PTPRT: variants seen among roughly 807,000 people sequenced by gnomAD.
PTPRT encodes the protein protein tyrosine phosphatase receptor type T.
Under a neutral mutation model 176.8 loss-of-function variants are expected in PTPRT, and 56 were observed. The ratio of observed to expected loss-of-function variants is 0.32; its 90% CI spans 0.26 to 0.40. The LOEUF is 0.40. Ranked by LOEUF, PTPRT falls within the 10% of genes least tolerant of loss-of-function variation. The pLI, the probability that PTPRT is intolerant of heterozygous loss-of-function variation, is 1.00. For synonymous variants in PTPRT, 783 were observed against 739.0 expected (o/e 1.06, Z -0.96); for missense variants, 1,540 against 1,908.2 (o/e 0.81, Z 3.60).
Position 42,106,934 on chromosome 20 carries a change from T to A in PTPRT, c.3255-13A>T. The A allele has an allele frequency of 1.2e-6, 2 of 1,613,394 alleles. No homozygotes were observed. Among genetic ancestry groups the A allele is most frequent in the Non-Finnish European group, 1.7e-6 (2 of 1,179,692 alleles). On this transcript the variant is annotated splice_polypyrimidine_tract_variant and intron_variant, in intron 23 of 30. Coordinates refer to ENST00000373187, the MANE Select transcript of PTPRT (RefSeq NM_007050.6). ...CCCAGCCCCAGCACTGGAAGAGAGG[T>A]ATGGTCTGTGTTAAGGATCTTCATG...
intron 13 of PTPRT, among the ~76,000 whole-genome samples, chr20:42,264,195 A>G (rs992433471): frequency 2.0e-5 from 3 of 152,206 alleles, no homozygotes; most frequent in Non-Finnish European, 4.4e-5. Context: ...TCAGTCATAT[A>G]TGCTCCCTGA....
At chr20:42,413,385 C>T (rs557013027) in intron 9 of PTPRT, among the ~76,000 whole-genome samples, 48 of 152,134 alleles carry the variant, frequency 3.2e-4, no homozygotes, top group African/African-American at 1.1e-3. Flanking sequence ...TTCCTATATC[C>T]ATGAAATGGT....
chr20:42,103,468 T>G (rs79224234), intron 25 of PTPRT, among the ~76,000 whole-genome samples: 3,067 of 152,336 alleles, frequency 0.02, 114 homozygotes, highest in African/African-American at 0.069. Flanking sequence ...TTATTTATTT[T>G]ATTTTTTATG....
chr20:42,473,680 G>T lies in PTPRT; in HGVS notation c.1154-1118C>A, dbSNP rs568655948. Among the ~76,000 whole-genome samples the T allele has an allele frequency of 6.6e-5, 10 of 152,198 alleles. No individual in the cohort carries two copies. The South Asian group carries it at 1.2e-3, about 19-fold the overall frequency. ...TTCACATATGGGGTCTCTCTATGTT[G>T]CCCAGGCTGGTCTCAAACTCCTGGG... On this transcript the variant is annotated intron_variant, in intron 7 of 30. Coordinates refer to ENST00000373187, the MANE Select transcript of PTPRT (RefSeq NM_007050.6).
intron 15 of PTPRT, among the ~76,000 whole-genome samples, chr20:42,220,302 C>A (rs2055857463): frequency 6.6e-6 from 1 of 152,148 alleles, no homozygotes; most frequent in Admixed American, 6.6e-5. Flanking sequence ...GTTAAGAGGT[C>A]ATTTCTCACC....
chr20:42,169,743 AACACACACACACACACAC>A (rs56329932), intron 16 of PTPRT, among the ~76,000 whole-genome samples: 20 of 104,596 alleles, frequency 1.9e-4, no homozygotes, highest in African/African-American at 4.6e-4. Context: ...ACAATTTTCA[AACACACACACACACACAC>A]ACACACACAC....
intron 5 of PTPRT, among the ~76,000 whole-genome samples, chr20:42,762,054 T>C (rs547880464): frequency 6.6e-6 from 1 of 152,342 alleles, no homozygotes; most frequent in East Asian, 1.9e-4. Context: ...GTTTTGGAAA[T>C]GCTGTGATAG....
intron 7 of PTPRT, among the ~76,000 whole-genome samples, chr20:42,546,479 G>T (rs200902360): frequency 6.8e-6 from 1 of 147,352 alleles, no homozygotes; most frequent in East Asian, 2.0e-4. Flanking sequence ...GACAAAAAAA[G>T]AAAAAAAAAA....
chr20:43,023,950 C>T (rs1985810211), intron 1 of PTPRT, among the ~76,000 whole-genome samples: 1 of 152,212 alleles, frequency 6.6e-6, no homozygotes, highest in South Asian at 2.1e-4. Context: ...ATGCCTAATG[C>T]CCCTGAATTG....
chr20:42,768,199 G>GA (rs1297544593), intron 5 of PTPRT, among the ~76,000 whole-genome samples: 1 of 152,060 alleles, frequency 6.6e-6, no homozygotes, highest in Non-Finnish European at 1.5e-5. Context: ...AAGTTTCCTT[G>GA]AAAAAATAGT....
chr20:42,931,933 C>G (rs570251436), intron 1 of PTPRT, among the ~76,000 whole-genome samples: 29 of 152,186 alleles, frequency 1.9e-4, no homozygotes, highest in Non-Finnish European at 4.0e-4. Context: ...TAAAACTCAT[C>G]CTGTCAACAT....
At chr20:42,898,841 G>C (rs1351420861) in intron 1 of PTPRT, among the ~76,000 whole-genome samples, 1 of 152,178 alleles carries the variant, frequency 6.6e-6, no homozygotes, top group Non-Finnish European at 1.5e-5. Flanking sequence ...GTCAGCGCCA[G>C]CCTCAACCTG....
At chr20:42,338,323 G>C (rs1397166596) in intron 11 of PTPRT, among the ~76,000 whole-genome samples, 1 of 152,196 alleles carries the variant, frequency 6.6e-6, no homozygotes, top group Non-Finnish European at 1.5e-5. Flanking sequence ...CCCTGATAGA[G>C]AGATGGTGCC....
chr20:42,063,059 G>A, the PTPRT span, among the ~76,000 whole-genome samples: 9 of 152,170 alleles, frequency 5.9e-5, no homozygotes, highest in Admixed American at 1.3e-4. Flanking sequence ...CAATTTTTGC[G>A]TTTCAAGAGA....
intron 2 of PTPRT, among the ~76,000 whole-genome samples, chr20:42,831,221 G>T (rs967007128): frequency 1.8e-4 from 27 of 152,020 alleles, no homozygotes; most frequent in African/African-American, 6.5e-4. Context: ...CAGAAGTAAG[G>T]CCCCACACCT....
chr20:42,640,906 A>C (rs1216835993), intron 7 of PTPRT, among the ~76,000 whole-genome samples: 1 of 152,068 alleles, frequency 6.6e-6, no homozygotes, highest in South Asian at 2.1e-4. Flanking sequence ...ACACAAACAC[A>C]TATTTTTACA....
At position 42,700,426 on chromosome 20, in the gene PTPRT, C is replaced by T. The variant is rs185501250; in HGVS notation, c.860-22267G>A. Among the ~76,000 whole-genome samples the T allele has an allele frequency of 2.7e-5, 4 of 149,728 alleles. No homozygotes were observed. In the East Asian group the frequency reaches 5.9e-4, roughly 22 times the overall value. On this transcript the variant is annotated intron_variant, in intron 6 of 30. Transcript: ENST00000373187. ...CATGGCTTAGGAAACAGACGCAGAGCGCCTCGACTACACCGCGGATATTTT... is the reference window on the plus strand; with the variant it reads ...CATGGCTTAGGAAACAGACGCAGAGTGCCTCGACTACACCGCGGATATTTT...
chr20:42,627,174 A>C (rs1380663347), intron 7 of PTPRT, among the ~76,000 whole-genome samples: 1 of 151,820 alleles, frequency 6.6e-6, no homozygotes, highest in Non-Finnish European at 1.5e-5. Flanking sequence ...AGTCTCATAA[A>C]ATTCTGGATC....
chr20:43,055,469 T>C (rs577180150), intron 1 of PTPRT, among the ~76,000 whole-genome samples: 67 of 152,274 alleles, frequency 4.4e-4, no homozygotes, highest in African/African-American at 1.5e-3. Flanking sequence ...ATTAAGTCTT[T>C]CCTGGGACTC....
Sources: gnomAD v4.1 joint callset for allele counts (sites outside exome capture counted in the v4.1 genomes callset) on GRCh38, gnomAD v4.1.1 for gene constraint, MANE v1.5 for transcripts, NCBI Gene and HGNC (gene_info 2026-07-23, HGNC 2026-07-21) for gene names.